Variants in LRP2 observed in about 807,000 individuals in gnomAD.
LRP2 encodes the protein low-density lipoprotein receptor-related protein 2.
Under a neutral mutation model 531.0 loss-of-function variants are expected in LRP2, and 172 were observed. The observed-to-expected ratio is 0.32, with a 90% CI of 0.29 to 0.37. LRP2 has a LOEUF of 0.37. Among genes scored for constraint, LRP2 ranks in the 10% least tolerant of loss-of-function variants. The pLI, the probability that LRP2 is intolerant of heterozygous loss-of-function variation, is 1.00. For missense variants in LRP2, 5,167 were observed against 5,868.3 expected, an observed-to-expected ratio of 0.88 and a Z score of 3.90; for synonymous variants, 1,992 against 2,027.6, an observed-to-expected ratio of 0.98 and a Z score of 0.47.
chr2:169,301,377 C>T lies in LRP2; in HGVS notation c.427+5904G>A, dbSNP rs555311740. Among the ~76,000 whole-genome samples, 113 of 149,868 alleles carry T rather than the reference C, an allele frequency of 7.5e-4. 1 individual carries two copies. Among genetic ancestry groups the T allele is most frequent in the African/African-American group, 2.5e-3 (104 of 40,876 alleles). ...TAATCCCATTAGAAGTAAAATGGAC[C>T]GCAGTTTTGAATCTCTCTGTTCCTT... is the stretch of plus-strand genomic sequence containing the variant. On this transcript the variant is annotated intron_variant, in intron 4 of 78. Transcript: ENST00000649046.
intron 76 of LRP2, among the ~76,000 whole-genome samples, chr2:169,134,248 A>C (rs1022663685): frequency 3.3e-5 from 5 of 152,052 alleles, no homozygotes; most frequent in African/African-American, 9.7e-5. Context: ...AACTATGCTC[A>C]ACTCACTCTC....
At chr2:169,193,658 A>G (rs1687906475) in intron 47 of LRP2, 103 bp downstream of exon 47, 5 of 1,432,366 alleles carry the variant, frequency 3.5e-6, no homozygotes, top group Non-Finnish European at 3.0e-6. Context: ...TGTCCATTCA[A>G]TTACAGAGAA....
At chr2:169,186,614 A>T (rs533785094) in intron 49 of LRP2, among the ~76,000 whole-genome samples, 1 of 152,334 alleles carries the variant, frequency 6.6e-6, no homozygotes, top group African/African-American at 2.4e-5. Flanking sequence ...AAAATCCATT[A>T]TCCAAATATC....
intron 16 of LRP2, among the ~76,000 whole-genome samples, chr2:169,266,269 T>C (rs551360393): frequency 6.6e-6 from 1 of 151,716 alleles, no homozygotes; most frequent in East Asian, 1.9e-4. Flanking sequence ...TCAAAAATGA[T>C]AAATCAAGAA....
chr2:169,211,111 G>A (rs1688576427), intron 37 of LRP2, among the ~76,000 whole-genome samples: 1 of 152,164 alleles, frequency 6.6e-6, no homozygotes, highest in South Asian at 2.1e-4. Context: ...AAACAAAGAT[G>A]AGTCATGGGT....
chr2:169,342,563 C>A (rs1195436117), intron 1 of LRP2, among the ~76,000 whole-genome samples: 1 of 152,182 alleles, frequency 6.6e-6, no homozygotes. Context: ...AACTTCTTAG[C>A]TTGACATACA....
At position 169,205,559 on chromosome 2, in the gene LRP2, A is replaced by C; in HGVS notation, c.7635T>G (p.Ile2545Met). The change falls in exon 41 of 79, where the codon ATT (isoleucine) becomes ATG (methionine). Residue 2545 changes from isoleucine (I) to methionine (M), a missense_variant. By Grantham distance (10) the Ile-to-Met change is conservative. Around this residue, in one of 6 missense-constraint regions of LRP2, gnomAD observed 1,129 missense variants for 1,362.7 expected, o/e 0.83. Coordinates refer to ENST00000649046, the MANE Select transcript of LRP2 (RefSeq NM_004525.3). ...TGGGCATGACCAGACTGCTGTTCACAATGGGTACGCGGAAGTTTCCTCCCA... is the reference window on the plus strand; with the variant it reads ...TGGGCATGACCAGACTGCTGTTCACCATGGGTACGCGGAAGTTTCCTCCCA... ...ATLGGNFRVP[I>M]VNSSLVMPSG... The C allele has an allele frequency of 6.2e-7, 1 of 1,614,136 alleles. No individual in the cohort carries two copies. Among genetic ancestry groups the C allele is most frequent in the Non-Finnish European group, 8.5e-7 (1 of 1,180,004 alleles).
At chr2:169,288,765 C>CTGAAGAATAA (rs1249610908) in intron 9 of LRP2, among the ~76,000 whole-genome samples, 4 of 152,162 alleles carry the variant, frequency 2.6e-5, no homozygotes, top group African/African-American at 7.2e-5. Context: ...AGGACTACCG[C>CTGAAGAATAA]CCTCATCAAG....
At chr2:169,172,195 A>G in intron 57 of LRP2, 61 bp from the exon 58 acceptor site, 2 of 1,598,786 alleles carry the variant, frequency 1.3e-6, no homozygotes, top group Non-Finnish European at 1.7e-6. Context: ...ACAAAGTAGT[A>G]TTGGCTTCCT....
intron 18 of LRP2, among the ~76,000 whole-genome samples, chr2:169,256,902 C>T (rs572755696): frequency 8.5e-5 from 13 of 152,202 alleles, no homozygotes; most frequent in Admixed American, 7.2e-4. Flanking sequence ...TCTCAGAATA[C>T]TCATGAATTT....
intron 65 of LRP2, 27 bp downstream of exon 65, chr2:169,156,247 A>G: frequency 1.2e-6 from 2 of 1,613,306 alleles, no homozygotes; most frequent in Non-Finnish European, 1.7e-6. Flanking sequence ...CCAAAAGTCA[A>G]TTAATCCCAA....
intron 1 of LRP2, among the ~76,000 whole-genome samples, chr2:169,327,747 G>C (rs1685132627): frequency 7.6e-6 from 1 of 132,164 alleles, no homozygotes; most frequent in African/African-American, 2.9e-5. Context: ...CCCCGTCCGG[G>C]AGGGAGGTGG....
rs755468931 is a variant in LRP2 at position 169,137,515 on chromosome 2, G to GAGAGAGAGAGAGAGAGAGAAAC, written c.13519-44_13519-23dup. Reference sequence around the variant, plus strand: ...CACTCTGATGGCAGAGACAGAAAGAGAGAGAGAGAGAGAGAGAGAAACAGA... The same window carrying GAGAGAGAGAGAGAGAGAGAAAC: ...CACTCTGATGGCAGAGACAGAAAGAGAGAGAGAGAGAGAGAGAGAAACAGAGAGAGAGAGAGAGAGAAACAGA... On this transcript the variant is annotated intron_variant, in intron 75 of 78. Coordinates refer to ENST00000649046, the MANE Select transcript of LRP2 (RefSeq NM_004525.3). 3.6e-6 allele frequency: 4 copies of GAGAGAGAGAGAGAGAGAGAAAC among 1,101,164 alleles called. No homozygotes were observed. The East Asian group carries it at 8.2e-5, about 22-fold the overall frequency. 68.2% of individuals were successfully genotyped at this position (1,101,164 alleles called of 1,614,324 possible).
intron 44 of LRP2, among the ~76,000 whole-genome samples, chr2:169,200,088 A>C (rs1688148879): frequency 6.6e-6 from 1 of 151,942 alleles, no homozygotes; most frequent in South Asian, 2.1e-4. Context: ...GTCTCTACTA[A>C]AAAATACAAA....
At chr2:169,195,567 A>C (rs746927777) in intron 46 of LRP2, among the ~76,000 whole-genome samples, 3 of 152,130 alleles carry the variant, frequency 2.0e-5, no homozygotes, top group African/African-American at 7.2e-5. Context: ...GCTTATTTTT[A>C]TTTAAATATA....
intron 8 of LRP2, among the ~76,000 whole-genome samples, chr2:169,290,293 T>C (rs898487623): frequency 8.0e-6 from 1 of 124,332 alleles, no homozygotes; most frequent in African/African-American, 2.9e-5. Context: ...TTTTTTTTTT[T>C]AGTACAGCCA....
chr2:169,258,776 A>G (rs779198409), intron 17 of LRP2, among the ~76,000 whole-genome samples: 8 of 152,102 alleles, frequency 5.3e-5, no homozygotes, highest in Non-Finnish European at 1.2e-4. Context: ...ACTGTGAAAA[A>G]AACTACTCTT....
At chr2:169,343,294 C>A (rs1196169796) in intron 1 of LRP2, among the ~76,000 whole-genome samples, 2 of 152,162 alleles carry the variant, frequency 1.3e-5, no homozygotes, top group Non-Finnish European at 2.9e-5. Context: ...GGCAGGTGAC[C>A]AGGCCTGTCT....
intron 68 of LRP2, among the ~76,000 whole-genome samples, chr2:169,149,990 C>T (rs1390999388): frequency 6.6e-6 from 1 of 152,094 alleles, no homozygotes; most frequent in African/African-American, 2.4e-5. Context: ...CCATAGAACA[C>T]ACTGCATCTC....
Sources: gnomAD v4.1 joint callset for allele counts (sites outside exome capture counted in the v4.1 genomes callset) on GRCh38, gnomAD v4.1.1 for gene constraint, gnomAD v4.1.1 regional missense constraint, MANE v1.5 for transcripts, NCBI Gene and HGNC (gene_info 2026-07-23, HGNC 2026-07-21) for gene names.